Variants in SYT14 observed in about 807,000 individuals in gnomAD.
SYT14 encodes synaptotagmin 14, also known as synaptotagmin-14.
Under a neutral mutation model 74.2 loss-of-function variants are expected in SYT14, and 32 were observed. The observed-to-expected ratio is 0.43, with a 90% confidence interval of 0.33 to 0.58. SYT14 has a LOEUF of 0.58. Ranked by LOEUF, SYT14 falls within the 20% of genes least tolerant of loss-of-function variation. The pLI, the probability that SYT14 is intolerant of heterozygous loss-of-function variation, is 0.05. For missense variants in SYT14, 791 were observed against 981.8 expected (o/e 0.81, Z 2.60); for synonymous variants, 298 against 337.7 (o/e 0.88, Z 1.29).
chr1:210,028,640 G>A (rs575002073), intron 5 of SYT14, among the ~76,000 whole-genome samples: 1 of 152,250 alleles, frequency 6.6e-6, no homozygotes, highest in Admixed American at 6.5e-5. Flanking sequence ...TCTGTTTTGT[G>A]CATGTGCCAT....
intron 1 of SYT14, among the ~76,000 whole-genome samples, chr1:209,942,104 G>A (rs1270744317): frequency 1.3e-5 from 2 of 152,076 alleles, no homozygotes; most frequent in Admixed American, 6.6e-5. Context: ...TGGATATGGG[G>A]GGCCAATTGT....
At chr1:209,993,202 C>T (rs1008445479) in intron 2 of SYT14, among the ~76,000 whole-genome samples, 1 of 152,200 alleles carries the variant, frequency 6.6e-6, no homozygotes, top group African/African-American at 2.4e-5. Context: ...CCCCAACTGA[C>T]CTCTGAGCCA....
chr1:210,074,974 G>A lies in SYT14; in HGVS notation c.1313-19348G>A, dbSNP rs570551026. The stretch of plus-strand genomic sequence containing the variant: ...TCTGTATCCCAGGGTTCTTGCCTTA[G>A]TGTACTGGAAGAATCAGATTACACG... On this transcript the variant is annotated intron_variant, in intron 5 of 9. Transcript: ENST00000637265. Among the ~76,000 whole-genome samples the A allele has an allele frequency of 1.6e-4, 25 of 152,312 alleles. No individual in the cohort carries two copies. The East Asian group carries it at 2.5e-3, about 15-fold the overall frequency.
At position 210,021,272 on chromosome 1, in the gene SYT14, A is replaced by G. The variant is rs377266767; in HGVS notation, c.1312+18A>G. On this transcript the variant is annotated intron_variant, in intron 5 of 9. Transcript: ENST00000637265. ...AGATGAAGGTAAGATGGGCTGTTTT[A>G]TTTTTTTTACATGACACACTATAGT... 6.2e-7 allele frequency: 1 copy of G among 1,603,170 alleles called. No homozygotes were observed. The highest frequency in any genetic ancestry group is 1.3e-5 in the African/African-American group (1 of 74,712).
intron 5 of SYT14, among the ~76,000 whole-genome samples, chr1:210,046,740 A>G (rs2080892675): frequency 6.6e-6 from 1 of 152,192 alleles, no homozygotes; most frequent in Non-Finnish European, 1.5e-5. Context: ...AATATACCAC[A>G]TATTGTCTAT....
rs2081987330 is a variant in SYT14 at position 210,097,465 on chromosome 1, AG to A, written c.1585-2546del. Among the ~76,000 whole-genome samples, 4 of 152,310 alleles carry A rather than the reference AG, an allele frequency of 2.6e-5. No individual in the cohort carries two copies. In the South Asian group the frequency reaches 8.3e-4, roughly 32 times the overall value. ...ATGCAGATAATGTCTTTTATCTGTC[AG>A]TGTTCCACCCTTTCAACATTGGGTT... On this transcript the variant is annotated intron_variant, in intron 6 of 9. Coordinates refer to ENST00000637265, the Ensembl canonical transcript of SYT14.
At chr1:210,130,371 G>GT (rs1426409930) in intron 7 of SYT14, among the ~76,000 whole-genome samples, 1 of 151,816 alleles carries the variant, frequency 6.6e-6, no homozygotes, top group East Asian at 1.9e-4. Flanking sequence ...AAAAAAAATG[G>GT]TTTTTTTTCC....
intron 7 of SYT14, among the ~76,000 whole-genome samples, chr1:210,108,390 G>A (rs2082197711): frequency 6.6e-6 from 1 of 152,200 alleles, no homozygotes. Flanking sequence ...ATTAAAAACT[G>A]TGTGTTGGAT....
chr1:210,065,809 T>C (rs1457045134), intron 5 of SYT14, among the ~76,000 whole-genome samples: 3 of 151,868 alleles, frequency 2.0e-5, no homozygotes, highest in Admixed American at 6.6e-5. Context: ...ATGTGCCATG[T>C]TGGTGTGCTG....
chr1:210,169,982 C>A (rs1457277439), exon 10 of SYT14: 7 of 151,332 alleles, frequency 4.6e-5, no homozygotes, highest in Admixed American at 4.6e-4. Flanking sequence ...CTTCCTAGTT[C>A]TTTCATTTTT....
Position 210,009,965 on chromosome 1 carries a change from A to G in SYT14, c.-485-3668A>G, listed in dbSNP as rs561528655. On this transcript the variant is annotated intron_variant, in intron 2 of 9. Transcript: ENST00000637265. Reference sequence around the variant, plus strand: ...TCAACTCTTCTTCTTTCTTATCCTCAACTCTTCTTCTTTCTTATCCTCTAA... The same window carrying G: ...TCAACTCTTCTTCTTTCTTATCCTCGACTCTTCTTCTTTCTTATCCTCTAA... 4.6e-5 allele frequency among the ~76,000 whole-genome samples: 7 copies of G among 151,380 alleles called. No homozygotes were observed. The South Asian group carries it at 1.5e-3, about 32-fold the overall frequency.
intron 2 of SYT14, among the ~76,000 whole-genome samples, chr1:209,997,833 T>C (rs529825366): frequency 2.2e-4 from 34 of 152,282 alleles, no homozygotes; most frequent in South Asian, 1.5e-3. Flanking sequence ...ATTTATTATT[T>C]AAAATTGCTT....
intron 1 of SYT14, among the ~76,000 whole-genome samples, chr1:209,939,560 TA>T (rs1466327227): frequency 6.6e-6 from 1 of 152,242 alleles, no homozygotes; most frequent in Non-Finnish European, 1.5e-5. Context: ...AAGATCTACC[TA>T]TAATCTATGA....
intron 2 of SYT14, among the ~76,000 whole-genome samples, chr1:209,957,647 G>C (rs906967409): frequency 2.0e-5 from 3 of 151,888 alleles, no homozygotes; most frequent in East Asian, 3.9e-4. Flanking sequence ...GGCTTGTCTT[G>C]AACTCCCTAC....
chr1:210,140,212 G>A (rs1286930522), intron 7 of SYT14, among the ~76,000 whole-genome samples: 1 of 152,084 alleles, frequency 6.6e-6, no homozygotes, highest in Non-Finnish European at 1.5e-5. Flanking sequence ...AATGACTAAT[G>A]ATGTTGAGCA....
At chr1:209,944,965 G>A (rs1452430694) in intron 1 of SYT14, among the ~76,000 whole-genome samples, 1 of 151,840 alleles carries the variant, frequency 6.6e-6, no homozygotes, top group East Asian at 1.9e-4. Context: ...ACCTTTTTTG[G>A]GTGCTTGCCA....
At chr1:210,137,241 G>A (rs375879230) in intron 7 of SYT14, among the ~76,000 whole-genome samples, 1 of 152,206 alleles carries the variant, frequency 6.6e-6, no homozygotes, top group East Asian at 1.9e-4. Flanking sequence ...AGGTAAACTC[G>A]TAGGACACAG....
At chr1:209,974,426 A>G (rs748791151) in intron 2 of SYT14, among the ~76,000 whole-genome samples, 163 of 152,354 alleles carry the variant, frequency 1.1e-3, no homozygotes, top group Non-Finnish European at 1.9e-3. Context: ...AGCTTTCTAC[A>G]TATGGCTAGC....
In SYT14 at chr1:210,095,425, T is replaced by A. The variant is rs938680043; in HGVS notation, c.1584+832T>A. Among the ~76,000 whole-genome samples the A allele has an allele frequency of 4.6e-5, 7 of 152,278 alleles. No individual in the cohort carries two copies. In the South Asian group the frequency reaches 1.2e-3, roughly 27 times the overall value. On this transcript the variant is annotated intron_variant, in intron 6 of 9. Coordinates refer to ENST00000637265, the Ensembl canonical transcript of SYT14. ...TGCACCACCACACCCACAAATTTTT[T>A]AATTTTTTTGTAGAGACAGGCTCTC...
Sources: gnomAD v4.1 joint callset for allele counts (sites outside exome capture counted in the v4.1 genomes callset) on GRCh38, gnomAD v4.1.1 for gene constraint, MANE v1.5 for transcripts, NCBI Gene and HGNC (gene_info 2026-07-23, HGNC 2026-07-21) for gene names.